GRAMD1B: variants seen among roughly 807,000 people sequenced by gnomAD.
GRAMD1B encodes GRAM domain containing 1B.
In GRAMD1B, 37 loss-of-function variants were observed where a neutral mutation model predicts 99.7. The observed-to-expected ratio is 0.37, with a 90% CI of 0.29 to 0.49. The LOEUF is 0.49. Ranked by LOEUF, GRAMD1B falls within the 20% of genes least tolerant of loss-of-function variation. GRAMD1B has a pLI of 0.98. For synonymous variants in GRAMD1B, 427 were observed against 387.6 expected, an observed-to-expected ratio of 1.10 and a Z score of -1.19; for missense variants, 888 against 1,009.2, an observed-to-expected ratio of 0.88 and a Z score of 1.63.
intron 7 of GRAMD1B, 30 bp from the exon 8 acceptor site, chr11:123,600,438 T>C (rs746517404): frequency 6.6e-6 from 9 of 1,370,462 alleles, no homozygotes; most frequent in Non-Finnish European, 9.4e-6. Flanking sequence ...ACTCAACAGA[T>C]ATTTATTGTT....
In GRAMD1B at chr11:123,527,379, G is replaced by C. The variant is rs74872111; in HGVS notation, c.452+46486G>C. 4.0e-3 allele frequency among the ~76,000 whole-genome samples: 603 copies of C among 152,254 alleles called. 1 individual carries two copies. The highest frequency in any genetic ancestry group is 0.014 in the African/African-American group (576 of 41,546). On this transcript the variant is annotated intron_variant, in intron 2 of 19. Transcript: ENST00000635736. ...CTGTAGGGAACAGGGCCCTTTAGTG[G>C]GTCTTGAAAAGGCACTTTGCAGAAG... is the stretch of plus-strand genomic sequence containing the variant.
At position 123,430,900 on chromosome 11, in the gene GRAMD1B, C is replaced by G. The variant is rs1273848992; in HGVS notation, c.108C>G (p.Pro36=). The G allele has an allele frequency of 2.8e-6, 2 of 702,540 alleles. No individual in the cohort carries two copies. The highest frequency in any genetic ancestry group is 3.5e-5 in the African/African-American group (2 of 57,258). The allele number at this position is 702,540 out of a possible 1,614,324, so 43.5% of individuals were successfully genotyped here. The change falls in exon 1 of 20, where the codon CCC becomes CCG. Residue 36 remains proline (P), a synonymous_variant. Coordinates refer to ENST00000635736, the MANE Select transcript of GRAMD1B (RefSeq NM_001387025.1). The part of the protein sequence containing the change: ...GSPVWSSSST[P]TLRRRRFKMR... Reference sequence around the variant, plus strand: ...CGGTCTGGTCCAGTTCGTCGACCCCCACGCTTCGCCGCCGGCGCTTCAAGA... The same window carrying G: ...CGGTCTGGTCCAGTTCGTCGACCCCGACGCTTCGCCGCCGGCGCTTCAAGA...
At chr11:123,524,498 A>C (rs1942505229) in intron 2 of GRAMD1B, among the ~76,000 whole-genome samples, 1 of 151,820 alleles carries the variant, frequency 6.6e-6, no homozygotes, top group African/African-American at 2.4e-5. Flanking sequence ...ATGCCACCAC[A>C]CCCAGCTAAA....
chr11:123,554,228 A>G (rs1249687891), intron 2 of GRAMD1B, among the ~76,000 whole-genome samples: 2 of 152,200 alleles, frequency 1.3e-5, no homozygotes, highest in Admixed American at 6.5e-5. Flanking sequence ...TGCCTGGCTC[A>G]TAGTATACTT....
rs1477558382 is a variant in GRAMD1B at position 123,613,680 on chromosome 11, G to T, written c.2227+22G>T. On this transcript the variant is annotated intron_variant, in intron 16 of 19. Coordinates refer to ENST00000635736, the MANE Select transcript of GRAMD1B (RefSeq NM_001387025.1). ...GCAGGTGTGTGCCAGGTGGGGACAG[G>T]TCGGGTGGACTAAGCTTTGGGCTGG... The T allele has an allele frequency of 1.9e-6, 3 of 1,597,270 alleles. No homozygotes were observed. In the South Asian group the frequency reaches 3.3e-5, roughly 18 times the overall value.
At chr11:123,496,354 T>A (rs1292913988) in intron 2 of GRAMD1B, among the ~76,000 whole-genome samples, 2 of 152,088 alleles carry the variant, frequency 1.3e-5, no homozygotes, top group East Asian at 3.9e-4. Context: ...CAATTGTATG[T>A]TGTTTCTTTT....
At chr11:123,407,069 A>G (rs1947879655) in intron 1 of GRAMD1B, among the ~76,000 whole-genome samples, 1 of 152,204 alleles carries the variant, frequency 6.6e-6, no homozygotes, top group African/African-American at 2.4e-5. Flanking sequence ...GCTTGAGAGA[A>G]TGGTTATTGT....
chr11:123,592,696 T>G (rs1331281295), intron 4 of GRAMD1B, among the ~76,000 whole-genome samples: 1 of 152,104 alleles, frequency 6.6e-6, no homozygotes, highest in Non-Finnish European at 1.5e-5. Context: ...CTAAGTTTTT[T>G]GTTGTTGTCG....
intron 1 of GRAMD1B, among the ~76,000 whole-genome samples, chr11:123,462,899 A>ATT (rs1565519547): frequency 6.8e-6 from 1 of 146,422 alleles, no homozygotes; most frequent in Non-Finnish European, 1.5e-5. Flanking sequence ...ATTAAAAAAA[A>ATT]AAAAAAAAAA....
intron 2 of GRAMD1B, among the ~76,000 whole-genome samples, chr11:123,544,588 ACT>A (rs1208692609): frequency 4.6e-5 from 7 of 152,086 alleles, no homozygotes; most frequent in African/African-American, 1.4e-4. Flanking sequence ...TTTCTTGCTA[ACT>A]CTCCCTGGGA....
intron 2 of GRAMD1B, among the ~76,000 whole-genome samples, chr11:123,535,409 T>C (rs1016558275): frequency 1.3e-5 from 2 of 152,104 alleles, no homozygotes; most frequent in Non-Finnish European, 2.9e-5. Context: ...GAGGTGATGC[T>C]CTAAAGCCTG....
intron 1 of GRAMD1B, among the ~76,000 whole-genome samples, chr11:123,377,869 A>G (rs1322169611): frequency 6.6e-6 from 1 of 152,180 alleles, no homozygotes; most frequent in East Asian, 1.9e-4. Context: ...GCCTTCCACC[A>G]CCATGCGCTT....
At chr11:123,495,259 C>T (rs1174006962) in intron 2 of GRAMD1B, among the ~76,000 whole-genome samples, 1 of 151,722 alleles carries the variant, frequency 6.6e-6, no homozygotes, top group Non-Finnish European at 1.5e-5. Flanking sequence ...TAAATACAAG[C>T]CCTAATATGC....
intron 2 of GRAMD1B, among the ~76,000 whole-genome samples, chr11:123,508,099 GTA>G (rs1336651869): frequency 1.3e-5 from 2 of 152,176 alleles, no homozygotes; most frequent in African/African-American, 4.8e-5. Context: ...AACGATCTTA[GTA>G]TATTTTCTGC....
rs1411899944 is a variant in GRAMD1B, at chr11:123,608,505, C to T, written c.1514-154C>T. 4 of 1,536,946 alleles carry T rather than the reference C, an allele frequency of 2.6e-6. No homozygotes were observed. The African/African-American group carries it at 5.5e-5, about 21-fold the overall frequency. The stretch of plus-strand genomic sequence containing the variant: ...ACCGAAAGCAAAGTCATAAACCATG[C>T]CCACGAGCTCAGCTGTCCTGCTCCG... On this transcript the variant is annotated intron_variant, in intron 11 of 19. Transcript: ENST00000635736.
At chr11:123,461,251 G>T (rs1950400459) in intron 1 of GRAMD1B, among the ~76,000 whole-genome samples, 1 of 152,208 alleles carries the variant, frequency 6.6e-6, no homozygotes, top group African/African-American at 2.4e-5. Context: ...CTGACTCCAG[G>T]TTGGCTCCTA....
chr11:123,576,785 G>T (rs1483745257), intron 2 of GRAMD1B, among the ~76,000 whole-genome samples: 2 of 152,166 alleles, frequency 1.3e-5, no homozygotes, highest in Non-Finnish European at 2.9e-5. Context: ...TCAACAGTGG[G>T]CATTTAGCTT....
intron 1 of GRAMD1B, among the ~76,000 whole-genome samples, chr11:123,433,332 C>G (rs1388282301): frequency 6.6e-6 from 1 of 152,026 alleles, no homozygotes; most frequent in African/African-American, 2.4e-5. Flanking sequence ...GAGCCAAGAT[C>G]GCGCCATTGC....
chr11:123,610,189 C>T lies in GRAMD1B; in HGVS notation c.1777-7C>T. On this transcript the variant is annotated splice_region_variant and splice_polypyrimidine_tract_variant and intron_variant, in intron 13 of 19. Transcript: ENST00000635736. The surrounding 1 kb of genome is among the most constrained non-coding windows in gnomAD (Gnocchi z 4.1). The stretch of plus-strand genomic sequence containing the variant: ...AGTTTTGTCCAATGGACCTTTCCTG[C>T]CCGCAGACCATGTACAAGGCGAGCC... 1 of 1,613,694 alleles carries T rather than the reference C, an allele frequency of 6.2e-7. No individual in the cohort carries two copies. Among genetic ancestry groups the T allele is most frequent in the Non-Finnish European group, 8.5e-7 (1 of 1,179,742 alleles).
Sources: allele counts gnomAD v4.1 joint callset (sites outside exome capture counted in the v4.1 genomes callset), GRCh38; gene constraint gnomAD v4.1.1; non-coding constraint Gnocchi (gnomAD v3.1); transcripts MANE v1.5; gene names NCBI Gene and HGNC (gene_info 2026-07-23, HGNC 2026-07-21).